Variants in ARPC3 observed in about 807,000 individuals in gnomAD.
ARPC3 encodes the protein actin related protein 2/3 complex subunit 3.
Under a neutral mutation model 27.6 loss-of-function variants are expected in ARPC3, and 12 were observed. That is an observed-to-expected ratio of 0.43 (90% CI 0.28 to 0.70). ARPC3 has a LOEUF of 0.70. Ranked by LOEUF, ARPC3 falls within the 30% of genes least tolerant of loss-of-function variation. The pLI, the probability that ARPC3 is intolerant of heterozygous loss-of-function variation, is 0.17. For synonymous variants in ARPC3, 53 were observed against 67.2 expected, an observed-to-expected ratio of 0.79 and a Z score of 1.03; for missense variants, 153 against 207.7, an observed-to-expected ratio of 0.74 and a Z score of 1.62.
intron 2 of ARPC3, among the ~76,000 whole-genome samples, chr12:110,443,292 G>C (rs1296635929): frequency 6.6e-6 from 1 of 151,610 alleles, no homozygotes; most frequent in African/African-American, 2.4e-5. Context: ...CTAATTTTTT[G>C]TATTTTTAGT....
At chr12:110,439,013 G>T (rs2062420960) in intron 3 of ARPC3, among the ~76,000 whole-genome samples, 1 of 150,118 alleles carries the variant, frequency 6.7e-6, no homozygotes, top group South Asian at 2.1e-4. Flanking sequence ...TTTTGAGACA[G>T]TCTTGCTCTG....
At position 110,436,070 on chromosome 12, in the gene ARPC3, A is replaced by T. The variant is rs764957112; in HGVS notation, c.474+40T>A. The T allele has an allele frequency of 8.1e-6, 12 of 1,473,072 alleles. No individual in the cohort carries two copies. The East Asian group carries it at 2.5e-4, about 31-fold the overall frequency. The allele number at this position is 1,473,072 out of a possible 1,614,324, so 91.3% of individuals were successfully genotyped here. On this transcript the variant is annotated intron_variant, in intron 6 of 6. Coordinates refer to ENST00000228825, the MANE Select transcript of ARPC3 (RefSeq NM_001278556.2). ...TGTTCAATGGTGGCTATGGGATAAA[A>T]GGTGATTTACCAATTAAGCAGGCAA...
intron 1 of ARPC3, among the ~76,000 whole-genome samples, 188 bp downstream of exon 1, chr12:110,450,067 C>T (rs2062492384): frequency 6.6e-6 from 1 of 152,218 alleles, no homozygotes; most frequent in South Asian, 2.1e-4. Context: ...CGCGCCCCCG[C>T]CTCCCACGAC....
intron 2 of ARPC3, among the ~76,000 whole-genome samples, chr12:110,442,268 T>TA (rs1237605494): frequency 6.6e-6 from 1 of 152,118 alleles, no homozygotes; most frequent in African/African-American, 2.4e-5. Context: ...AATGCATTTA[T>TA]AAAAAAACAC....
chr12:110,435,694 G>A (rs2062399504), intron 6 of ARPC3, among the ~76,000 whole-genome samples: 1 of 151,676 alleles, frequency 6.6e-6, no homozygotes, highest in South Asian at 2.1e-4. Context: ...CATGATCTTG[G>A]CTCACTGCAA....
chr12:110,444,613 TC>T lies in ARPC3; in HGVS notation c.106+838del, dbSNP rs1194448845. ...TGATTTTCTTTTATGTTATTTTTCT[TC>T]TTTCCCAGGCTGTCTTCTTCCTTGT... is the stretch of plus-strand genomic sequence containing the variant. On this transcript the variant is annotated intron_variant, in intron 2 of 6. Transcript: ENST00000228825. Among the ~76,000 whole-genome samples, 7 of 152,146 alleles carry T rather than the reference TC, an allele frequency of 4.6e-5. No homozygotes were observed. The East Asian group carries it at 1.3e-3, about 29-fold the overall frequency.
At chr12:110,435,330 T>TC in intron 6 of ARPC3, 113 bp from the exon 7 acceptor site, 2 of 906,368 alleles carry the variant, frequency 2.2e-6, no homozygotes, top group Non-Finnish European at 1.8e-6. Context: ...AACTTTTTTT[T>TC]TTTTTTTTTG....
intron 3 of ARPC3, among the ~76,000 whole-genome samples, chr12:110,439,555 G>A (rs562788155): frequency 1.6e-4 from 24 of 152,294 alleles, no homozygotes; most frequent in Admixed American, 4.6e-4. Flanking sequence ...TTTTAGGGCC[G>A]GGAGCGGTGG....
intron 1 of ARPC3, 123 bp downstream of exon 1, chr12:110,450,132 C>G: frequency 7.1e-7 from 1 of 1,403,756 alleles, no homozygotes; most frequent in Non-Finnish European, 9.9e-7. Flanking sequence ...CCCTCGCCTC[C>G]CTCCTTCTCG....
At chr12:110,443,667 A>G (rs1464181565) in intron 2 of ARPC3, among the ~76,000 whole-genome samples, 3 of 151,684 alleles carry the variant, frequency 2.0e-5, no homozygotes, top group East Asian at 3.9e-4. Context: ...TCCTGACCTG[A>G]GGCAATCTGC....
Position 110,434,995 on chromosome 12 carries a change from T to C in ARPC3, c.*160A>G, listed in dbSNP as rs1180774925. 1.2e-5 allele frequency: 9 copies of C among 725,958 alleles called. No individual in the cohort carries two copies. The highest frequency in any genetic ancestry group is 1.8e-5 in the Non-Finnish European group (7 of 394,610). The allele number at this position is 725,958 out of a possible 1,614,324, so 45.0% of individuals were successfully genotyped here. On this transcript the variant is annotated 3_prime_UTR_variant, in exon 7 of 7. Coordinates refer to ENST00000228825, the MANE Select transcript of ARPC3 (RefSeq NM_001278556.2). ...TCAAATCACCCTTGATAACCCACTT[T>C]CTTTTCTCCCACCCAAATTCTTGAT...
rs2062469692 is a variant in ARPC3 at position 110,447,257 on chromosome 12, G to A, written c.7-1706C>T. ...GTGGGTAGGTGTGTGTTAAAGGAAG[G>A]GATAAAAAAAATCACATTTATGAGA... On this transcript the variant is annotated intron_variant, in intron 1 of 6. Coordinates refer to ENST00000228825, the MANE Select transcript of ARPC3 (RefSeq NM_001278556.2). Among the ~76,000 whole-genome samples, 3 of 152,082 alleles carry A rather than the reference G, an allele frequency of 2.0e-5. No individual in the cohort carries two copies. In the South Asian group the frequency reaches 6.2e-4, roughly 32 times the overall value.
chr12:110,445,864 G>C (rs1461078839), intron 1 of ARPC3, among the ~76,000 whole-genome samples: 2 of 152,200 alleles, frequency 1.3e-5, no homozygotes, highest in Non-Finnish European at 2.9e-5. Flanking sequence ...AGCACTTTGG[G>C]AGGCTGAGGC....
chr12:110,450,298 T>A lies in ARPC3; in HGVS notation c.-38A>T. On this transcript the variant is annotated 5_prime_UTR_variant, in exon 1 of 7. Transcript: ENST00000228825. ...CGGGTTTCAACCCAGAGGAGCAGGATCCAGGTACAGCGGAGCGCTTCCGGT... is the reference window on the plus strand; with the variant it reads ...CGGGTTTCAACCCAGAGGAGCAGGAACCAGGTACAGCGGAGCGCTTCCGGT... The A allele has an allele frequency of 6.2e-7, 1 of 1,613,808 alleles. No individual in the cohort carries two copies. Among genetic ancestry groups the A allele is most frequent in the South Asian group, 1.1e-5 (1 of 91,052 alleles).
intron 1 of ARPC3, 24 bp downstream of exon 1, chr12:110,450,231 C>T (rs200331617): frequency 5.1e-5 from 83 of 1,613,884 alleles, no homozygotes; most frequent in Non-Finnish European, 6.6e-5. Context: ...CGCTGTCTCC[C>T]CACACCGTGG....
intron 3 of ARPC3, among the ~76,000 whole-genome samples, chr12:110,438,980 T>C (rs2062420660): frequency 6.6e-6 from 1 of 151,446 alleles, no homozygotes; most frequent in Non-Finnish European, 1.5e-5. Flanking sequence ...ACAAATGAAA[T>C]GTGGCAGAGT....
At chr12:110,443,275 C>T (rs763534129) in intron 2 of ARPC3, among the ~76,000 whole-genome samples, 4 of 151,880 alleles carry the variant, frequency 2.6e-5, no homozygotes, top group African/African-American at 4.8e-5. Context: ...CCCGCCACCA[C>T]GCTTGGCTAA....
chr12:110,449,983 G>A (rs2062491331), intron 1 of ARPC3, among the ~76,000 whole-genome samples: 1 of 144,104 alleles, frequency 6.9e-6, no homozygotes, highest in Admixed American at 7.0e-5. Context: ...TGGGAACCCT[G>A]CCGGAGTCGG....
At chr12:110,436,733 C>T (rs1220418566) in intron 4 of ARPC3, 50 bp from the exon 5 acceptor site, 4 of 1,062,730 alleles carry the variant, frequency 3.8e-6, no homozygotes, top group Non-Finnish European at 2.7e-6. Flanking sequence ...CACACACACA[C>T]ACACACACAC....
Sources: allele counts gnomAD v4.1 joint callset (sites outside exome capture counted in the v4.1 genomes callset), GRCh38; gene constraint gnomAD v4.1.1; transcripts MANE v1.5; gene names NCBI Gene and HGNC (gene_info 2026-07-23, HGNC 2026-07-21).